CHRM2: variants seen among roughly 807,000 people sequenced by gnomAD.
CHRM2 encodes the protein muscarinic acetylcholine receptor M2.
A neutral mutation model predicts 25.0 loss-of-function variants in CHRM2; 8 were observed. That is an observed-to-expected ratio of 0.32 (90% CI 0.19 to 0.58). The LOEUF (loss-of-function observed/expected upper bound fraction) is 0.58, where lower values mean the gene tolerates loss of function less well. Among genes scored for constraint, CHRM2 ranks in the 20% least tolerant of loss-of-function variants. CHRM2 has a pLI of 0.88. For synonymous variants in CHRM2, 202 were observed against 205.7 expected (o/e 0.98, Z 0.15); for missense variants, 440 against 567.1 (o/e 0.78, Z 2.28).
chr7:136,936,555 T>C (rs1330330815), intron 2 of CHRM2, among the ~76,000 whole-genome samples: 1 of 152,190 alleles, frequency 6.6e-6, no homozygotes, highest in East Asian at 1.9e-4. Context: ...CAGTCACAGA[T>C]AAATTGTTTA....
chr7:136,959,086 C>T (rs1322563922), intron 2 of CHRM2, among the ~76,000 whole-genome samples: 2 of 152,158 alleles, frequency 1.3e-5, no homozygotes, highest in Non-Finnish European at 2.9e-5. Flanking sequence ...GCACCAATAT[C>T]ATGTGAACAA....
intron 2 of CHRM2, among the ~76,000 whole-genome samples, chr7:136,875,235 C>T (rs1447432297): frequency 2.6e-5 from 4 of 151,434 alleles, no homozygotes; most frequent in Non-Finnish European, 4.4e-5. Flanking sequence ...CATACACACA[C>T]GCGTGAGAAA....
intron 2 of CHRM2, among the ~76,000 whole-genome samples, chr7:136,944,196 C>G (rs1012228149): frequency 6.6e-6 from 1 of 152,094 alleles, no homozygotes; most frequent in Non-Finnish European, 1.5e-5. Context: ...AATACCCAAG[C>G]AGTGTACACT....
chr7:136,980,930 T>G (rs1437799920), intron 2 of CHRM2, among the ~76,000 whole-genome samples: 1 of 152,180 alleles, frequency 6.6e-6, no homozygotes, highest in Non-Finnish European at 1.5e-5. Flanking sequence ...CTGCCAGCTT[T>G]TGGTATCAGG....
At chr7:136,995,486 G>C (rs945454340) in intron 3 of CHRM2, among the ~76,000 whole-genome samples, 8 of 152,156 alleles carry the variant, frequency 5.3e-5, no homozygotes, top group Non-Finnish European at 1.2e-4. Context: ...CAAGGGGCTG[G>C]GTGTGGTGGC....
intron 3 of CHRM2, among the ~76,000 whole-genome samples, chr7:137,005,479 C>G (rs1438041727): frequency 6.6e-6 from 1 of 152,032 alleles, no homozygotes; most frequent in Non-Finnish European, 1.5e-5. Flanking sequence ...TTCACAGCCT[C>G]TAATCTCACT....
intron 2 of CHRM2, among the ~76,000 whole-genome samples, chr7:136,909,768 C>T (rs1015428466): frequency 3.3e-5 from 5 of 151,866 alleles, no homozygotes; most frequent in African/African-American, 1.2e-4. Flanking sequence ...TTTACATGTA[C>T]ATGTATACTT....
chr7:136,896,490 A>G (rs1173563052), intron 2 of CHRM2, among the ~76,000 whole-genome samples: 1 of 152,132 alleles, frequency 6.6e-6, no homozygotes, highest in East Asian at 1.9e-4. Flanking sequence ...ATCATTGACT[A>G]AATTGTAAGC....
intron 2 of CHRM2, among the ~76,000 whole-genome samples, chr7:136,898,594 C>G (rs866332579): frequency 3.3e-5 from 5 of 151,866 alleles, no homozygotes; most frequent in South Asian, 2.1e-4. Context: ...GAGAATGACA[C>G]TAATAGTTCT....
chr7:136,914,752 T>C (rs1168505093), intron 2 of CHRM2, among the ~76,000 whole-genome samples: 1 of 151,952 alleles, frequency 6.6e-6, no homozygotes, highest in Non-Finnish European at 1.5e-5. Flanking sequence ...AAACCTACCT[T>C]ATCTCCCATA....
intron 2 of CHRM2, chr7:136,938,493 CTCT>C: frequency 2.8e-6 from 3 of 1,059,314 alleles, no homozygotes; most frequent in Non-Finnish European, 4.4e-6. Context: ...TGGGGTTCAC[CTCT>C]AGGATAAGGG....
At chr7:136,971,767 ATCTT>A (rs1339626358) in intron 2 of CHRM2, among the ~76,000 whole-genome samples, 1 of 152,018 alleles carries the variant, frequency 6.6e-6, no homozygotes, top group Non-Finnish European at 1.5e-5. Context: ...GGTGATTCTG[ATCTT>A]TCTTTCAAGA....
intron 2 of CHRM2, among the ~76,000 whole-genome samples, chr7:136,922,883 T>A (rs537064287): frequency 6.6e-6 from 1 of 152,296 alleles, no homozygotes; most frequent in East Asian, 1.9e-4. Context: ...CTAAGGAAAA[T>A]ACACTTTACA....
intron 2 of CHRM2, among the ~76,000 whole-genome samples, chr7:136,978,742 T>C (rs1802280437): frequency 6.6e-6 from 1 of 152,168 alleles, no homozygotes; most frequent in Admixed American, 6.5e-5. Context: ...AGAATGATGG[T>C]TACCAGCTTC....
chr7:136,953,392 A>G (rs1174421065), intron 2 of CHRM2, among the ~76,000 whole-genome samples: 1 of 152,180 alleles, frequency 6.6e-6, no homozygotes, highest in Admixed American at 6.5e-5. Context: ...AAACGCTATT[A>G]AGTGTATAGA....
At chr7:136,943,071 CCTTT>C (rs1481916938) in intron 2 of CHRM2, among the ~76,000 whole-genome samples, 1 of 152,100 alleles carries the variant, frequency 6.6e-6, no homozygotes, top group Non-Finnish European at 1.5e-5. Context: ...AGCCATTTAG[CCTTT>C]CTTTGGATAC....
In CHRM2 at chr7:137,014,851, A is replaced by G. The variant is rs1805065372; in HGVS notation, c.-15A>G. On this transcript the variant is annotated 5_prime_UTR_variant, in exon 4 of 4. Coordinates refer to ENST00000680005, the MANE Select transcript of CHRM2 (RefSeq NM_001006630.2). ...ATGTTTATTTGCTACTTGGCTACTGATTAGAGAACGCAAAATGAATAACTC... is the reference window on the plus strand; with the variant it reads ...ATGTTTATTTGCTACTTGGCTACTGGTTAGAGAACGCAAAATGAATAACTC... 1 of 1,611,384 alleles carries G rather than the reference A, an allele frequency of 6.2e-7. No homozygotes were observed. The highest frequency in any genetic ancestry group is 1.3e-5 in the African/African-American group (1 of 74,788).
In CHRM2 at chr7:136,988,609, T is replaced by G. The variant is rs182933081; in HGVS notation, c.-124-3578T>G. Among the ~76,000 whole-genome samples, 48 of 152,310 alleles carry G rather than the reference T, an allele frequency of 3.2e-4. 1 individual carries two copies. In the East Asian group the frequency reaches 5.8e-3, roughly 18 times the overall value. On this transcript the variant is annotated intron_variant, in intron 2 of 3. Transcript: ENST00000680005. ...TGGTACCGTCAGCTTCAACCTGTAC[T>G]CTTTATTTCTTCTCTCATGACTGTC... is the stretch of plus-strand genomic sequence containing the variant.
intron 3 of CHRM2, among the ~76,000 whole-genome samples, chr7:137,012,995 G>T (rs142729400): frequency 5.3e-5 from 8 of 152,022 alleles, no homozygotes; most frequent in African/African-American, 1.9e-4. Flanking sequence ...CTGTGGGGTT[G>T]AGTATCATTT....
Sources: allele counts gnomAD v4.1 joint callset (sites outside exome capture counted in the v4.1 genomes callset), GRCh38; gene constraint gnomAD v4.1.1; transcripts MANE v1.5; gene names NCBI Gene and HGNC (gene_info 2026-07-23, HGNC 2026-07-21).